ADGRL2: variants seen among roughly 807,000 people sequenced by gnomAD.
ADGRL2 encodes the protein adhesion G protein-coupled receptor L2.
A neutral mutation model predicts 157.4 loss-of-function variants in ADGRL2; 44 were observed. That is an observed-to-expected ratio of 0.28 (90% confidence interval 0.22 to 0.36). ADGRL2 has a LOEUF of 0.36. ADGRL2 is among the 10% of genes least tolerant of loss of function. The pLI is 1.00. For synonymous variants in ADGRL2, 585 were observed against 624.7 expected (o/e 0.94, Z 0.95); for missense variants, 1,510 against 1,768.9 (o/e 0.85, Z 2.63).
chr1:81,593,935 A>T (rs1277551321), intron 3 of ADGRL2, among the ~76,000 whole-genome samples: 1 of 152,216 alleles, frequency 6.6e-6, no homozygotes, highest in African/African-American at 2.4e-5. Flanking sequence ...ACAAGCAAGA[A>T]GCTTCGGAGA....
chr1:81,392,281 C>T (rs2076574441), intron 1 of ADGRL2, among the ~76,000 whole-genome samples: 1 of 151,788 alleles, frequency 6.6e-6, no homozygotes, highest in African/African-American at 2.4e-5. Flanking sequence ...AACCTCCTGC[C>T]TGGATGCCAT....
At chr1:81,881,738 A>G (rs1234559724) in intron 2 of ADGRL2, among the ~76,000 whole-genome samples, 1 of 152,188 alleles carries the variant, frequency 6.6e-6, no homozygotes. Context: ...GTATTTACTT[A>G]TATATCCTTC....
At chr1:81,385,798 G>C (rs2076424817) in intron 1 of ADGRL2, among the ~76,000 whole-genome samples, 1 of 151,942 alleles carries the variant, frequency 6.6e-6, no homozygotes, top group East Asian at 1.9e-4. Context: ...AAGAATCCTT[G>C]GAAGAAAAAC....
intron 10 of ADGRL2, 93 bp from the exon 11 acceptor site, chr1:81,955,784 A>C (rs1328390925): frequency 6.9e-6 from 5 of 729,662 alleles, no homozygotes. Context: ...TCATCATGAC[A>C]GATAAATATT....
intron 2 of ADGRL2, among the ~76,000 whole-genome samples, chr1:81,782,893 C>G (rs2086875247): frequency 6.6e-6 from 1 of 152,024 alleles, no homozygotes; most frequent in Admixed American, 6.6e-5. Flanking sequence ...TCAAAGAAGA[C>G]AGGGCACAGG....
At chr1:81,510,127 C>T (rs998817008) in intron 2 of ADGRL2, among the ~76,000 whole-genome samples, 32 of 152,140 alleles carry the variant, frequency 2.1e-4, no homozygotes, top group African/African-American at 5.3e-4. Context: ...ATGCCTCTTT[C>T]GAAATCAAAG....
intron 2 of ADGRL2, among the ~76,000 whole-genome samples, chr1:81,514,387 A>C (rs375351257): frequency 5.4e-4 from 82 of 152,288 alleles, no homozygotes; most frequent in African/African-American, 1.9e-3. Context: ...GTCCAGTGCA[A>C]CTGAAAAGGA....
At chr1:81,319,606 G>A (rs1181578160) in intron 1 of ADGRL2, among the ~76,000 whole-genome samples, 1 of 152,076 alleles carries the variant, frequency 6.6e-6, no homozygotes, top group African/African-American at 2.4e-5. Flanking sequence ...GAATGGAACT[G>A]GAATTATGAA....
intron 2 of ADGRL2, among the ~76,000 whole-genome samples, chr1:81,511,741 G>C (rs909190923): frequency 6.6e-6 from 1 of 151,900 alleles, no homozygotes; most frequent in Non-Finnish European, 1.5e-5. Flanking sequence ...TGTTTCATGT[G>C]AATATTGGAC....
intron 2 of ADGRL2, among the ~76,000 whole-genome samples, chr1:81,507,770 T>C (rs2079004793): frequency 6.6e-6 from 1 of 152,180 alleles, no homozygotes; most frequent in South Asian, 2.1e-4. Flanking sequence ...GATAGAATAA[T>C]TCAGAAAAGG....
At chr1:81,632,907 T>C (rs538791376) in intron 3 of ADGRL2, among the ~76,000 whole-genome samples, 2 of 152,272 alleles carry the variant, frequency 1.3e-5, no homozygotes, top group East Asian at 1.9e-4. Flanking sequence ...TTGGAGGGAT[T>C]TGAGCAAGGG....
At position 81,397,035 on chromosome 1, in the gene ADGRL2, G is replaced by T. The variant is rs78075167; in HGVS notation, c.-301-48001G>T. On this transcript the variant is annotated intron_variant, in intron 1 of 24. Transcript: ENST00000370721. The stretch of plus-strand genomic sequence containing the variant: ...CTTTCCTCTTCAGTTTTCTGAAAAG[G>T]TTTAAGAACAATTGGTATTCATTCT... Among the ~76,000 whole-genome samples the T allele has an allele frequency of 7.1e-3, 1,077 of 152,222 alleles. 17 individuals are homozygous for T. Among genetic ancestry groups the T allele is most frequent in the South Asian group, 0.054 (262 of 4,816 alleles).
At chr1:81,332,705 G>A (rs114585081) in intron 1 of ADGRL2, among the ~76,000 whole-genome samples, 147 of 152,114 alleles carry the variant, frequency 9.7e-4, no homozygotes, top group Non-Finnish European at 1.9e-3. Context: ...ACTTTTATTC[G>A]AAATTGAACC....
chr1:81,677,050 G>A (rs1223446739), intron 3 of ADGRL2, among the ~76,000 whole-genome samples: 1 of 148,562 alleles, frequency 6.7e-6, no homozygotes, highest in African/African-American at 2.5e-5. Flanking sequence ...GCAATGGCAC[G>A]ATCTCGGCTC....
intron 2 of ADGRL2, chr1:81,557,460 AAAGAAAG>A (rs61248621): frequency 4.6e-5 from 3 of 65,176 alleles, no homozygotes; most frequent in African/African-American, 1.3e-4. Flanking sequence ...AGAAAGAAAG[AAAGAAAG>A]AAGAAAGAAA....
rs187223559 is a variant in ADGRL2, at chr1:81,456,415, T to A, written c.-248+11326T>A. On this transcript the variant is annotated intron_variant, in intron 2 of 24. Transcript: ENST00000370721. Reference sequence around the variant, plus strand: ...TTTAATTTTTATTATTATTATTATTTTTTGTAGAGACAGGGTCTCGCTTTG... The same window carrying A: ...TTTAATTTTTATTATTATTATTATTATTTGTAGAGACAGGGTCTCGCTTTG... Among the ~76,000 whole-genome samples the A allele has an allele frequency of 2.6e-4, 39 of 152,110 alleles. No individual in the cohort carries two copies. The East Asian group carries it at 5.2e-3, about 20-fold the overall frequency.
At chr1:81,919,708 G>A (rs1193227053) in intron 3 of ADGRL2, among the ~76,000 whole-genome samples, 1 of 151,900 alleles carries the variant, frequency 6.6e-6, no homozygotes, top group Non-Finnish European at 1.5e-5. Flanking sequence ...TTAATTAATA[G>A]AATTCTATGT....
intron 2 of ADGRL2, among the ~76,000 whole-genome samples, chr1:81,529,125 G>A (rs962425519): frequency 1.3e-4 from 20 of 152,238 alleles, no homozygotes; most frequent in Admixed American, 9.2e-4. Context: ...GGAAAGACAT[G>A]ATGAAAAATG....
chr1:81,458,878 G>A (rs2077863216), intron 2 of ADGRL2, among the ~76,000 whole-genome samples: 1 of 152,150 alleles, frequency 6.6e-6, no homozygotes, highest in South Asian at 2.1e-4. Context: ...CGTTCCCACT[G>A]CCCACAGCTC....
Sources: allele counts gnomAD v4.1 joint callset (sites outside exome capture counted in the v4.1 genomes callset), GRCh38; gene constraint gnomAD v4.1.1; transcripts MANE v1.5; gene names NCBI Gene and HGNC (gene_info 2026-07-23, HGNC 2026-07-21).